Variants in ASB18 observed in about 807,000 individuals in gnomAD.
ASB18 encodes the protein ankyrin repeat and SOCS box containing 18, also known as ankyrin repeat and SOCS box protein 18.
A neutral mutation model predicts 33.4 loss-of-function variants in ASB18; 33 were observed. That is an observed-to-expected ratio of 0.99 (90% CI 0.75 to 1.32). ASB18 has a LOEUF of 1.32. Among genes scored for constraint, ASB18 ranks in the 40% most tolerant of loss-of-function variants. The pLI, the probability that ASB18 is intolerant of heterozygous loss-of-function variation, is 0.00. For synonymous variants in ASB18, 295 were observed against 307.6 expected, an observed-to-expected ratio of 0.96 and a Z score of 0.43; for missense variants, 694 against 655.5, an observed-to-expected ratio of 1.06 and a Z score of -0.64.
chr2:236,211,064 C>T lies in ASB18; in HGVS notation c.1101+3298G>A, dbSNP rs1214073820. 6.6e-6 allele frequency among the ~76,000 whole-genome samples: 1 copy of T among 152,172 alleles called. No individual in the cohort carries two copies. The highest frequency in any genetic ancestry group is 1.5e-5 in the Non-Finnish European group (1 of 68,032). Reference sequence around the variant, plus strand: ...GTAAGGAGAGGCTGAAGGAGAGAGACCCCTGAGCACAGCCTTTTATCCAGA... The same window carrying T: ...GTAAGGAGAGGCTGAAGGAGAGAGATCCCTGAGCACAGCCTTTTATCCAGA... On this transcript the variant is annotated intron_variant, in intron 4 of 5. Transcript: ENST00000409749. The surrounding 1 kb of genome is among the most constrained non-coding windows in gnomAD (Gnocchi z 5.0).
rs2060676243 is a variant in ASB18 at position 236,253,364 on chromosome 2, G to C, written c.205+10777C>G. Among the ~76,000 whole-genome samples the C allele has an allele frequency of 6.6e-6, 1 of 152,072 alleles. No individual in the cohort carries two copies. Among genetic ancestry groups the C allele is most frequent in the African/African-American group, 2.4e-5 (1 of 41,420 alleles). ...TTGCAGTTTGATTCTCATTCAAGGG[G>C]CTCAGTCTTTATTTTTGTTTTTATT... On this transcript the variant is annotated intron_variant, in intron 1 of 5. Coordinates refer to ENST00000409749, the MANE Select transcript of ASB18 (RefSeq NM_212556.4). The surrounding 1 kb of genome is among the most constrained non-coding windows in gnomAD (Gnocchi z 5.4).
At chr2:236,261,722 G>A (rs574958104) in intron 1 of ASB18, among the ~76,000 whole-genome samples, 1 of 152,308 alleles carries the variant, frequency 6.6e-6, no homozygotes, top group South Asian at 2.1e-4. Flanking sequence ...CAGAGACTGA[G>A]TAATTTATAA....
rs1263058199 is a variant in ASB18 at position 236,235,732 on chromosome 2, GTC to G, written c.596+1955_596+1956del. Among the ~76,000 whole-genome samples, 1 of 152,154 alleles carries G rather than the reference GTC, an allele frequency of 6.6e-6. No individual in the cohort carries two copies. Among genetic ancestry groups the G allele is most frequent in the Non-Finnish European group, 1.5e-5 (1 of 68,034 alleles). ...TATTGTTATTATTATTTGAGACAGG[GTC>G]TCAACTCTGTCACCCAGGCTGGAGT... On this transcript the variant is annotated intron_variant, in intron 3 of 5. Transcript: ENST00000409749. The surrounding 1 kb of genome is among the most constrained non-coding windows in gnomAD (Gnocchi z 6.2).
rs759592339 is a variant in ASB18, at chr2:236,214,459, T to TGGAGCACGCGGCCC, written c.990_1003dup (p.Gln335ArgfsTer40). On this transcript the variant is annotated frameshift_variant, in exon 4 of 6. Coordinates refer to ENST00000409749, the MANE Select transcript of ASB18 (RefSeq NM_212556.4). LOFTEE classifies it high-confidence loss of function. The surrounding 1 kb of genome is among the most constrained non-coding windows in gnomAD (Gnocchi z 6.5). ...GGCCTGGAGAGCGCAGGATGCGGTC[T>TGGAGCACGCGGCCC]GGAGCACGCGGCCCAGCGGCGAGGC... The TGGAGCACGCGGCCC allele has an allele frequency of 3.1e-5, 48 of 1,529,258 alleles. 1 individual carries two copies. The South Asian group carries it at 4.5e-4, about 14-fold the overall frequency. 94.7% of individuals were successfully genotyped at this position (1,529,258 alleles called of 1,614,324 possible). A position where few individuals can be genotyped will look rare whatever the true frequency, so the allele number is the denominator to read the frequency against.
At position 236,204,470 on chromosome 2, in the gene ASB18, T is replaced by A. The variant is rs1056303224; in HGVS notation, c.1102-8085A>T. ...AGGCCTGTTCCTCTTTTCCGTTTAC[T>A]CTCACTTGCTGGTGATCTTATCTGG... On this transcript the variant is annotated intron_variant, in intron 4 of 5. Transcript: ENST00000409749. The surrounding 1 kb of genome is among the most constrained non-coding windows in gnomAD (Gnocchi z 5.1). Among the ~76,000 whole-genome samples, 2 of 152,264 alleles carry A rather than the reference T, an allele frequency of 1.3e-5. No individual in the cohort carries two copies. The highest frequency in any genetic ancestry group is 4.8e-5 in the African/African-American group (2 of 41,462).
chr2:236,259,086 C>T lies in ASB18; in HGVS notation c.205+5055G>A, dbSNP rs1474521747. ...CCTCCCCCAGCCGTCCTTTCTCCCT[C>T]TCTGTGTTCTCTGCAGCTACTAACC... On this transcript the variant is annotated intron_variant, in intron 1 of 5. Transcript: ENST00000409749. This position sits in a 1 kb window ranked among gnomAD's most constrained non-coding sequence, Gnocchi z 4.4. Among the ~76,000 whole-genome samples, 1 of 152,226 alleles carries T rather than the reference C, an allele frequency of 6.6e-6. No homozygotes were observed. The highest frequency in any genetic ancestry group is 2.4e-5 in the African/African-American group (1 of 41,440).
chr2:236,225,302 G>T lies in ASB18; in HGVS notation c.597-10436C>A, dbSNP rs2060531924. On this transcript the variant is annotated intron_variant, in intron 3 of 5. Transcript: ENST00000409749. This position sits in a 1 kb window ranked among gnomAD's most constrained non-coding sequence, Gnocchi z 5.1. Reference sequence around the variant, plus strand: ...ATGCCTTGCTAATTTTTGCAGAGATGGGGTCTCACTATGTTGCCCAGGCTG... The same window carrying T: ...ATGCCTTGCTAATTTTTGCAGAGATTGGGTCTCACTATGTTGCCCAGGCTG... Among the ~76,000 whole-genome samples, 1 of 151,790 alleles carries T rather than the reference G, an allele frequency of 6.6e-6. No individual in the cohort carries two copies. Among genetic ancestry groups the T allele is most frequent in the Non-Finnish European group, 1.5e-5 (1 of 67,926 alleles).
At chr2:236,236,124 ACAAT>A (rs2060587722) in intron 3 of ASB18, among the ~76,000 whole-genome samples, 1 of 152,252 alleles carries the variant, frequency 6.6e-6, no homozygotes, top group South Asian at 2.1e-4. Flanking sequence ...CAGACTGGAA[ACAAT>A]CAAATGTCTC....
Position 236,241,493 on chromosome 2 carries a change from C to T in ASB18, c.206-91G>A, listed in dbSNP as rs1478167522. The T allele has an allele frequency of 6.8e-7, 1 of 1,476,364 alleles. No individual in the cohort carries two copies. The highest frequency in any genetic ancestry group is 1.2e-5 in the South Asian group (1 of 85,304). The allele number at this position is 1,476,364 out of a possible 1,614,324, so 91.5% of individuals were successfully genotyped here. A position where few individuals can be genotyped will look rare whatever the true frequency, so the allele number is the denominator to read the frequency against. Reference sequence around the variant, plus strand: ...GTCTTTTGAAATATTTGAAGTTTTCCTCTCACTGGCCCTGGCTGTCTCTCC... The same window carrying T: ...GTCTTTTGAAATATTTGAAGTTTTCTTCTCACTGGCCCTGGCTGTCTCTCC... On this transcript the variant is annotated intron_variant, in intron 1 of 5. Coordinates refer to ENST00000409749, the MANE Select transcript of ASB18 (RefSeq NM_212556.4). This position sits in a 1 kb window ranked among gnomAD's most constrained non-coding sequence, Gnocchi z 4.2.
Position 236,203,708 on chromosome 2 carries a change from A to G in ASB18, c.1102-7323T>C, listed in dbSNP as rs2060417692. Among the ~76,000 whole-genome samples the G allele has an allele frequency of 6.6e-6, 1 of 152,164 alleles. No homozygotes were observed. Among genetic ancestry groups the G allele is most frequent in the Admixed American group, 6.5e-5 (1 of 15,282 alleles). ...TGGAGAAACCCTGTTTCTACAAAAA[A>G]TACAAAAACTTAGCTGGGTGTGATG... On this transcript the variant is annotated intron_variant, in intron 4 of 5. Transcript: ENST00000409749. The surrounding 1 kb of genome is among the most constrained non-coding windows in gnomAD (Gnocchi z 6.0).
Position 236,260,833 on chromosome 2 carries a change from G to A in ASB18, c.205+3308C>T, listed in dbSNP as rs568220714. 7.9e-5 allele frequency among the ~76,000 whole-genome samples: 12 copies of A among 152,154 alleles called. No homozygotes were observed. Among genetic ancestry groups the A allele is most frequent in the African/African-American group, 2.7e-4 (11 of 41,434 alleles). ...TCCTCCAAGCCTTTGATATGTCATCGTGCCAGTCTCTGAGGGGAGGCCCCA... is the reference window on the plus strand; with the variant it reads ...TCCTCCAAGCCTTTGATATGTCATCATGCCAGTCTCTGAGGGGAGGCCCCA... On this transcript the variant is annotated intron_variant, in intron 1 of 5. Transcript: ENST00000409749. The surrounding 1 kb of genome is among the most constrained non-coding windows in gnomAD (Gnocchi z 5.1).
At chr2:236,202,198 T>C (rs2060406386) in intron 4 of ASB18, among the ~76,000 whole-genome samples, 1 of 151,968 alleles carries the variant, frequency 6.6e-6, no homozygotes, top group African/African-American at 2.4e-5. Flanking sequence ...TCATCCACCC[T>C]CCTCGGCCTC....
In ASB18 at chr2:236,228,218, T is replaced by G. The variant is rs750624140; in HGVS notation, c.596+9471A>C. Among the ~76,000 whole-genome samples the G allele has an allele frequency of 3.3e-5, 5 of 152,154 alleles. No individual in the cohort carries two copies. Among genetic ancestry groups the G allele is most frequent in the Admixed American group, 6.5e-5 (1 of 15,282 alleles). On this transcript the variant is annotated intron_variant, in intron 3 of 5. Transcript: ENST00000409749. The surrounding 1 kb of genome is among the most constrained non-coding windows in gnomAD (Gnocchi z 5.1). Reference sequence around the variant, plus strand: ...AGTGGAGAATGCTTGTAGCCAAGGATGGAAATGTGTCACAAGGTTGGAACT... The same window carrying G: ...AGTGGAGAATGCTTGTAGCCAAGGAGGGAAATGTGTCACAAGGTTGGAACT...
At chr2:236,201,863 C>A (rs1205912641) in intron 4 of ASB18, among the ~76,000 whole-genome samples, 3 of 151,860 alleles carry the variant, frequency 2.0e-5, no homozygotes, top group Non-Finnish European at 4.4e-5. Context: ...AATATTTTTT[C>A]CCCTCTCATT....
At chr2:236,246,604 C>T (rs2060645993) in intron 1 of ASB18, among the ~76,000 whole-genome samples, 1 of 151,936 alleles carries the variant, frequency 6.6e-6, no homozygotes, top group South Asian at 2.1e-4. Context: ...TTGTAAGGAA[C>T]TTAGAGCCTT....
Position 236,205,681 on chromosome 2 carries a change from G to A in ASB18, c.1101+8681C>T, listed in dbSNP as rs2060429052. On this transcript the variant is annotated intron_variant, in intron 4 of 5. Transcript: ENST00000409749. The surrounding 1 kb of genome is among the most constrained non-coding windows in gnomAD (Gnocchi z 5.4). ...AGCAAATACTTTTTGATAAATAATT[G>A]AAGTATTTTTTCTTTTTCAGAAAAT... Among the ~76,000 whole-genome samples, 1 of 152,092 alleles carries A rather than the reference G, an allele frequency of 6.6e-6. No homozygotes were observed. The highest frequency in any genetic ancestry group is 2.4e-5 in the African/African-American group (1 of 41,410).
In ASB18 at chr2:236,259,467, C is replaced by T. The variant is rs991919499; in HGVS notation, c.205+4674G>A. On this transcript the variant is annotated intron_variant, in intron 1 of 5. Coordinates refer to ENST00000409749, the MANE Select transcript of ASB18 (RefSeq NM_212556.4). The surrounding 1 kb of genome is among the most constrained non-coding windows in gnomAD (Gnocchi z 4.4). ...GCAGCCTAGCAAGGCCATGCACTTC[C>T]GTAATGGATGGAGACTAAGGGCTTT... 19 of 467,344 alleles carry T rather than the reference C, an allele frequency of 4.1e-5. No homozygotes were observed. Among genetic ancestry groups the T allele is most frequent in the East Asian group, 2.1e-4 (3 of 14,268 alleles). 28.9% of individuals were successfully genotyped at this position (467,344 alleles called of 1,614,324 possible).
rs1445330035 is a variant in ASB18, at chr2:236,205,764, A to G, written c.1101+8598T>C. 2.0e-5 allele frequency among the ~76,000 whole-genome samples: 3 copies of G among 152,226 alleles called. No individual in the cohort carries two copies. The highest frequency in any genetic ancestry group is 1.3e-4 in the Admixed American group (2 of 15,282). The stretch of plus-strand genomic sequence containing the variant: ...TATCTAAAAGTGTCTTTCATCATCA[A>G]AATGAAAGTATCTTCACTGAGTCTA... On this transcript the variant is annotated intron_variant, in intron 4 of 5. Coordinates refer to ENST00000409749, the MANE Select transcript of ASB18 (RefSeq NM_212556.4). This position sits in a 1 kb window ranked among gnomAD's most constrained non-coding sequence, Gnocchi z 5.4.
rs551953206 is a variant in ASB18 at position 236,223,212 on chromosome 2, T to C, written c.597-8346A>G. 6.6e-6 allele frequency among the ~76,000 whole-genome samples: 1 copy of C among 152,328 alleles called. No individual in the cohort carries two copies. The highest frequency in any genetic ancestry group is 1.9e-4 in the East Asian group (1 of 5,180). On this transcript the variant is annotated intron_variant, in intron 3 of 5. Transcript: ENST00000409749. This position sits in a 1 kb window ranked among gnomAD's most constrained non-coding sequence, Gnocchi z 4.6. ...GCTTTTTTTCTTATAACTTTCACAG[T>C]GTCAAGTATTTCTTTATAGCAGTGC... is the stretch of plus-strand genomic sequence containing the variant.
Sources: gnomAD v4.1 joint callset for allele counts (sites outside exome capture counted in the v4.1 genomes callset) on GRCh38, gnomAD v4.1.1 for gene constraint, Gnocchi (gnomAD v3.1) non-coding constraint, MANE v1.5 for transcripts, NCBI Gene and HGNC (gene_info 2026-07-23, HGNC 2026-07-21) for gene names.